The following DNAJC11 variants were observed in gnomAD, a reference collection of about 807,000 sequenced individuals.
The protein encoded by DNAJC11 is dnaJ homolog subfamily C member 11.
A neutral mutation model predicts 78.6 loss-of-function variants in DNAJC11; 15 were observed. That is an observed-to-expected ratio of 0.19 (90% CI 0.13 to 0.29). DNAJC11 has a LOEUF of 0.29. DNAJC11 is among the 10% of genes least tolerant of loss of function. The pLI is 1.00. For synonymous variants in DNAJC11, 292 were observed against 272.1 expected (o/e 1.07, Z -0.72); for missense variants, 547 against 709.6 (o/e 0.77, Z 2.60).
At chr1:6,642,068 C>G (rs1641886311) in intron 10 of DNAJC11, among the ~76,000 whole-genome samples, 1 of 152,108 alleles carries the variant, frequency 6.6e-6, no homozygotes, top group African/African-American at 2.4e-5. Flanking sequence ...TATCTGCAGA[C>G]TGAGAAATAG....
rs1642089644 is a variant in DNAJC11, at chr1:6,653,806, A to G, written c.507+105T>C. 7.0e-7 allele frequency: 1 copy of G among 1,418,838 alleles called. No homozygotes were observed. The highest frequency in any genetic ancestry group is 2.1e-5 in the Admixed American group (1 of 47,814). 87.9% of individuals were successfully genotyped at this position (1,418,838 alleles called of 1,614,324 possible). On this transcript the variant is annotated intron_variant, in intron 5 of 15. Coordinates refer to ENST00000377577, the MANE Select transcript of DNAJC11 (RefSeq NM_018198.4). This position sits in a 1 kb window ranked among gnomAD's most constrained non-coding sequence, Gnocchi z 4.5. ...GGCTAATTGCATCCTTTCATAAATAAAGATGAGAAAAACCCTGGGCAGACT... is the reference window on the plus strand; with the variant it reads ...GGCTAATTGCATCCTTTCATAAATAGAGATGAGAAAAACCCTGGGCAGACT...
chr1:6,638,391 C>T (rs370489757), intron 11 of DNAJC11, 27 bp from the exon 12 acceptor site: 32 of 1,606,792 alleles, frequency 2.0e-5, no homozygotes, highest in East Asian at 1.6e-4. Flanking sequence ...ACAAGCCCCA[C>T]GTTAGCGCGG....
intron 4 of DNAJC11, among the ~76,000 whole-genome samples, chr1:6,663,376 C>G (rs1177661065): frequency 6.6e-6 from 1 of 152,152 alleles, no homozygotes; most frequent in Admixed American, 6.5e-5. Flanking sequence ...GCAATGAAGT[C>G]GGACAAGCTG....
At chr1:6,650,923 C>T (rs1642045026) in intron 7 of DNAJC11, 2 of 378,424 alleles carry the variant, frequency 5.3e-6, no homozygotes, top group Non-Finnish European at 1.1e-5. Flanking sequence ...CATTCTAGGA[C>T]TCCTTCAGCT....
chr1:6,651,733 G>T (rs907196064), intron 6 of DNAJC11, 131 bp from the exon 7 acceptor site: 3 of 689,580 alleles, frequency 4.4e-6, no homozygotes, highest in South Asian at 1.8e-5. Context: ...CTAAAAGAAG[G>T]GGGTGGAAGA....
chr1:6,700,847 C>G (rs1334160597), intron 1 of DNAJC11, among the ~76,000 whole-genome samples: 1 of 152,206 alleles, frequency 6.6e-6, no homozygotes, highest in Non-Finnish European at 1.5e-5. Flanking sequence ...TCTGGCAGGG[C>G]TGAAAAGTCT....
Position 6,634,862 on chromosome 1 carries a change from C to G in DNAJC11, c.*813G>C. 4.1e-6 allele frequency: 5 copies of G among 1,223,920 alleles called. No homozygotes were observed. In the South Asian group the frequency reaches 7.2e-5, roughly 18 times the overall value. 75.8% of individuals were successfully genotyped at this position (1,223,920 alleles called of 1,614,324 possible). ...TCTGATGTCTTGCCAAGCGCCTGGT[C>G]CTGTCCTCTTGAGCTGCCCTTGCCC... On this transcript the variant is annotated 3_prime_UTR_variant, in exon 16 of 16. Transcript: ENST00000377577.
intron 4 of DNAJC11, among the ~76,000 whole-genome samples, chr1:6,664,256 T>C (rs1642261826): frequency 6.6e-6 from 1 of 151,554 alleles, no homozygotes; most frequent in Non-Finnish European, 1.5e-5. Context: ...TTTTTTTTTT[T>C]TGAGACAGAG....
At chr1:6,666,123 C>T (rs1331854641) in intron 4 of DNAJC11, among the ~76,000 whole-genome samples, 1 of 152,164 alleles carries the variant, frequency 6.6e-6, no homozygotes, top group Non-Finnish European at 1.5e-5. Context: ...TTCAAATATA[C>T]ACTTTTTTCC....
chr1:6,700,336 G>A (rs530442571), intron 1 of DNAJC11, among the ~76,000 whole-genome samples: 1 of 152,248 alleles, frequency 6.6e-6, no homozygotes, highest in South Asian at 2.1e-4. Context: ...CAGCCCATAC[G>A]CACCCAGGTG....
At chr1:6,662,085 G>T (rs1424441112) in intron 4 of DNAJC11, among the ~76,000 whole-genome samples, 61 of 151,148 alleles carry the variant, frequency 4.0e-4, no homozygotes, top group African/African-American at 1.4e-3. Context: ...CCGAGTAGCT[G>T]GGACTACAGG....
At chr1:6,688,769 T>C (rs1055664708) in intron 1 of DNAJC11, among the ~76,000 whole-genome samples, 3 of 152,108 alleles carry the variant, frequency 2.0e-5, no homozygotes, top group Non-Finnish European at 4.4e-5. Flanking sequence ...CAGGCCGGTG[T>C]TGGGGACAGA....
rs1035883735 is a variant in DNAJC11 at position 6,653,011 on chromosome 1, C to A, written c.508-60G>T. 8.7e-6 allele frequency: 14 copies of A among 1,606,970 alleles called. No homozygotes were observed. The highest frequency in any genetic ancestry group is 2.2e-5 in the South Asian group (2 of 90,598). ...AAACAACAGGAAGTGCCAATGGCAG[C>A]AGCCTAAAGAACGCACTGTGAGCCC... On this transcript the variant is annotated intron_variant, in intron 5 of 15. Transcript: ENST00000377577. This position sits in a 1 kb window ranked among gnomAD's most constrained non-coding sequence, Gnocchi z 4.5.
At chr1:6,635,802 G>T in intron 15 of DNAJC11, 102 bp from the exon 16 acceptor site, 1 of 1,429,120 alleles carries the variant, frequency 7.0e-7, no homozygotes, top group Non-Finnish European at 9.8e-7. Context: ...AGCTGGCTGG[G>T]CCCAGGCGAG....
Position 6,644,547 on chromosome 1 carries a change from G to C in DNAJC11, c.1097+11C>G. Reference sequence around the variant, plus strand: ...GCATTCCTTGACCCGAAAGGCCTAAGTTCAACTTACTTGACTTTGAGAGAA... The same window carrying C: ...GCATTCCTTGACCCGAAAGGCCTAACTTCAACTTACTTGACTTTGAGAGAA... On this transcript the variant is annotated intron_variant, in intron 10 of 15. Coordinates refer to ENST00000377577, the MANE Select transcript of DNAJC11 (RefSeq NM_018198.4). 6.2e-7 allele frequency: 1 copy of C among 1,600,814 alleles called. No homozygotes were observed. The highest frequency in any genetic ancestry group is 8.6e-7 in the Non-Finnish European group (1 of 1,167,830).
At chr1:6,646,433 A>T (rs1641966983) in intron 7 of DNAJC11, among the ~76,000 whole-genome samples, 1 of 152,120 alleles carries the variant, frequency 6.6e-6, no homozygotes. Context: ...TGATTCCTTC[A>T]GTGTGGGCTT....
chr1:6,662,577 C>T (rs1228242014), intron 4 of DNAJC11, among the ~76,000 whole-genome samples: 1 of 152,022 alleles, frequency 6.6e-6, no homozygotes, highest in African/African-American at 2.4e-5. Context: ...AGCGCTCTGT[C>T]GCTAGAGGGT....
chr1:6,695,497 T>C (rs1642819905), intron 1 of DNAJC11, among the ~76,000 whole-genome samples: 1 of 151,652 alleles, frequency 6.6e-6, no homozygotes, highest in African/African-American at 2.4e-5. Context: ...ATTCTAACAT[T>C]AAAGAAACTG....
intron 4 of DNAJC11, among the ~76,000 whole-genome samples, chr1:6,658,417 T>C (rs1034781289): frequency 6.6e-6 from 1 of 152,196 alleles, no homozygotes; most frequent in Non-Finnish European, 1.5e-5. Context: ...CCGCAATGTA[T>C]ATAGTGAATA....
Sources: gnomAD v4.1 joint callset for allele counts (sites outside exome capture counted in the v4.1 genomes callset) on GRCh38, gnomAD v4.1.1 for gene constraint, Gnocchi (gnomAD v3.1) non-coding constraint, MANE v1.5 for transcripts, NCBI Gene and HGNC (gene_info 2026-07-23, HGNC 2026-07-21) for gene names.